Variants in CUBN observed in about 807,000 individuals in gnomAD.
The protein encoded by CUBN is 460 kDa receptor.
A neutral mutation model predicts 405.3 loss-of-function variants in CUBN; 282 were observed. The ratio of observed to expected loss-of-function variants is 0.70; its 90% confidence interval spans 0.63 to 0.77. CUBN has a LOEUF of 0.77. Ranked by LOEUF, CUBN falls within the 30% of genes least tolerant of loss-of-function variation. The probability of loss-of-function intolerance (pLI) is 0.00; values close to 1 mark genes in which losing one functional copy is unlikely to be tolerated. For synonymous variants in CUBN, 1,684 were observed against 1,617.0 expected (o/e 1.04, Z -0.99); for missense variants, 4,514 against 4,475.2 (o/e 1.01, Z -0.25).
intron 45 of CUBN, 105 bp downstream of exon 45, chr10:16,918,517 G>T: frequency 1.2e-6 from 1 of 851,784 alleles, no homozygotes; most frequent in Non-Finnish European, 1.9e-6. Context: ...GTACCTGGCT[G>T]ATGAAATAAT....
chr10:17,105,318 C>T, intron 11 of CUBN, 139 bp downstream of exon 11: 1 of 736,836 alleles, frequency 1.4e-6, no homozygotes, highest in African/African-American at 1.7e-5. Context: ...ATCTATCTTT[C>T]ATCTGAGAGT....
intron 28 of CUBN, among the ~76,000 whole-genome samples, chr10:16,996,102 T>C (rs1447394205): frequency 6.6e-6 from 1 of 152,082 alleles, no homozygotes; most frequent in Non-Finnish European, 1.5e-5. Flanking sequence ...ACTAACAATG[T>C]TGAATGCTGC....
rs149487923 is a variant in CUBN, at chr10:17,011,853, C to A, written c.4168+7980G>T. Among the ~76,000 whole-genome samples, 555 of 152,200 alleles carry A rather than the reference C, an allele frequency of 3.6e-3. 4 individuals are homozygous for A. The highest frequency in any genetic ancestry group is 0.012 in the African/African-American group (517 of 41,468). On this transcript the variant is annotated intron_variant, in intron 28 of 66. Transcript: ENST00000377833. ...GCTAGACACAGAGCGCTGATTGGTG[C>A]ATTTACAAACCTTTAGCTAGACAGA...
intron 25 of CUBN, 76 bp downstream of exon 25, chr10:17,044,931 C>T (rs1315993311): frequency 7.8e-6 from 11 of 1,408,880 alleles, no homozygotes; most frequent in Non-Finnish European, 9.1e-6. Context: ...TCCTGAATCT[C>T]GAAAATAAAA....
At position 16,954,459 on chromosome 10, in the gene CUBN, G is replaced by A. The variant is rs1476718639; in HGVS notation, c.4785C>T (p.Asn1595=). 6.2e-7 allele frequency: 1 copy of A among 1,614,016 alleles called. No individual in the cohort carries two copies. Among genetic ancestry groups the A allele is most frequent in the Admixed American group, 1.7e-5 (1 of 60,004 alleles). Residue 1595 remains asparagine (N), a synonymous_variant, in exon 32 of 67, where the codon AAC becomes AAT. Coordinates refer to ENST00000377833, the MANE Select transcript of CUBN (RefSeq NM_001081.4). The part of the protein sequence containing the change: ...QLANPIVSSG[N]SLFLRFQSGP... The stretch of plus-strand genomic sequence containing the variant: ...CAGACTGAAATCTCAAGAAGAGGCT[G>A]TTTCCTGAGGAGACGATGGGGTTAG...
chr10:17,039,493 A>T (rs1834970370), intron 27 of CUBN, among the ~76,000 whole-genome samples: 1 of 152,200 alleles, frequency 6.6e-6, no homozygotes, highest in African/African-American at 2.4e-5. Flanking sequence ...GAATAGTCCT[A>T]ACTGGTAAAA....
intron 14 of CUBN, among the ~76,000 whole-genome samples, chr10:17,092,489 C>T (rs1836285643): frequency 6.6e-6 from 1 of 152,084 alleles, no homozygotes; most frequent in South Asian, 2.1e-4. Context: ...GAGGTCGGCA[C>T]AAGATACAGG....
intron 26 of CUBN, among the ~76,000 whole-genome samples, chr10:17,042,048 T>C (rs1174994434): frequency 2.6e-5 from 4 of 152,186 alleles, no homozygotes; most frequent in Non-Finnish European, 4.4e-5. Context: ...TGGAATGAGC[T>C]GTCTCTGAAA....
chr10:17,030,061 A>G (rs11254333), intron 27 of CUBN, among the ~76,000 whole-genome samples: 2 of 152,330 alleles, frequency 1.3e-5, no homozygotes, highest in East Asian at 3.9e-4. Context: ...CGAGGGATCT[A>G]GGTTGCGTGC....
chr10:17,077,532 A>C (rs1835879602), intron 17 of CUBN, among the ~76,000 whole-genome samples: 1 of 152,226 alleles, frequency 6.6e-6, no homozygotes, highest in Non-Finnish European at 1.5e-5. Context: ...TATAATTTCT[A>C]AAATAATAAG....
At chr10:16,985,746 C>A (rs545303314) in intron 29 of CUBN, among the ~76,000 whole-genome samples, 34 of 152,264 alleles carry the variant, frequency 2.2e-4, no homozygotes, top group Non-Finnish European at 3.8e-4. Context: ...ATGTGCCACA[C>A]CCCTGTCACA....
rs188559699 is a variant in CUBN, at chr10:17,126,807, T to C, written c.349-8A>G. 2.4e-4 allele frequency: 390 copies of C among 1,614,088 alleles called. 4 individuals are homozygous for C. The Admixed American group carries it at 6.2e-3, about 26-fold the overall frequency. Reference sequence around the variant, plus strand: ...TCTCTCAAGATCCACCAGCTGGCAATAGGGAAGAAAAAGCTTCAGTTAGCT... The same window carrying C: ...TCTCTCAAGATCCACCAGCTGGCAACAGGGAAGAAAAAGCTTCAGTTAGCT... On this transcript the variant is annotated splice_region_variant and splice_polypyrimidine_tract_variant and intron_variant, in intron 3 of 66. Transcript: ENST00000377833.
At chr10:17,029,268 C>A (rs1356782288) in intron 27 of CUBN, among the ~76,000 whole-genome samples, 1 of 152,232 alleles carries the variant, frequency 6.6e-6, no homozygotes, top group African/African-American at 2.4e-5. Flanking sequence ...GAAAATCCTT[C>A]ATTGTGAAAG....
intron 48 of CUBN, among the ~76,000 whole-genome samples, chr10:16,911,341 G>A (rs1841726109): frequency 1.3e-5 from 2 of 152,160 alleles, no homozygotes; most frequent in Non-Finnish European, 2.9e-5. Flanking sequence ...CGTGACATAC[G>A]TATTTTGGGA....
At chr10:17,016,799 G>A (rs1834340174) in intron 28 of CUBN, among the ~76,000 whole-genome samples, 1 of 152,152 alleles carries the variant, frequency 6.6e-6, no homozygotes, top group Admixed American at 6.5e-5. Context: ...GCTAGGATAT[G>A]GGGGTAAGCT....
chr10:17,063,570 C>G (rs561930230), intron 22 of CUBN, among the ~76,000 whole-genome samples: 1 of 152,076 alleles, frequency 6.6e-6, no homozygotes, highest in Admixed American at 6.6e-5. Context: ...TTTTATTTTA[C>G]GTGTATCTTA....
chr10:17,061,447 T>C (rs1014030991), intron 22 of CUBN, among the ~76,000 whole-genome samples: 7 of 152,154 alleles, frequency 4.6e-5, no homozygotes, highest in Admixed American at 3.9e-4. Context: ...ACACTAGAAT[T>C]TGAGAACACT....
chr10:16,836,076 C>T (rs1370350552), intron 63 of CUBN, among the ~76,000 whole-genome samples, 159 bp downstream of exon 63: 3 of 152,090 alleles, frequency 2.0e-5, no homozygotes, highest in African/African-American at 7.2e-5. Flanking sequence ...TAGTAATTTG[C>T]TAAATTGGGC....
intron 17 of CUBN, among the ~76,000 whole-genome samples, chr10:17,076,520 A>G (rs1339450012): frequency 6.6e-6 from 1 of 150,448 alleles, no homozygotes; most frequent in African/African-American, 2.4e-5. Context: ...CTTTATGCTC[A>G]TGAACTGGGA....
Sources: allele counts gnomAD v4.1 joint callset (sites outside exome capture counted in the v4.1 genomes callset), GRCh38; gene constraint gnomAD v4.1.1; transcripts MANE v1.5; gene names NCBI Gene and HGNC (gene_info 2026-07-23, HGNC 2026-07-21).